The following EIF2AK4 variants were observed in gnomAD, a reference collection of about 807,000 sequenced individuals.
The protein encoded by EIF2AK4 is eukaryotic translation initiation factor 2 alpha kinase 4, also known as eIF-2-alpha kinase GCN2.
In EIF2AK4, 139 loss-of-function variants were observed where a neutral mutation model predicts 211.1. That is an observed-to-expected ratio of 0.66 (90% CI 0.57 to 0.76). The LOEUF is 0.76. Ranked by LOEUF, EIF2AK4 falls within the 30% of genes least tolerant of loss-of-function variation. The probability of loss-of-function intolerance (pLI) is 0.00; values close to 1 mark genes in which losing one functional copy is unlikely to be tolerated. For synonymous variants in EIF2AK4, 710 were observed against 751.3 expected (o/e 0.94, Z 0.90); for missense variants, 1,664 against 2,043.8 (o/e 0.81, Z 3.58).
At chr15:40,029,561 T>C in intron 34 of EIF2AK4, 97 bp downstream of exon 34, 1 of 1,279,814 alleles carries the variant, frequency 7.8e-7, no homozygotes, top group Non-Finnish European at 1.1e-6. Flanking sequence ...TGGAAATCTA[T>C]TTTTAAAATA....
chr15:40,030,974 T>C (rs1025806935), intron 35 of EIF2AK4, among the ~76,000 whole-genome samples: 55 of 152,210 alleles, frequency 3.6e-4, no homozygotes, highest in Non-Finnish European at 5.6e-4. Flanking sequence ...GTGCGGTGGC[T>C]TATGCCTGTA....
chr15:39,940,106 T>C (rs1200304254), intron 2 of EIF2AK4, among the ~76,000 whole-genome samples: 4 of 152,234 alleles, frequency 2.6e-5, no homozygotes, highest in African/African-American at 9.7e-5. Context: ...TGCAGGGCTG[T>C]GCTGTGCACT....
At chr15:39,946,521 A>T (rs914225075) in intron 3 of EIF2AK4, 1 of 701,840 alleles carries the variant, frequency 1.4e-6, no homozygotes, top group Non-Finnish European at 2.6e-6. Context: ...GTTCCTGAAG[A>T]TGCTGTGAAC....
chr15:39,938,087 G>A (rs913422612), intron 1 of EIF2AK4, among the ~76,000 whole-genome samples: 32 of 152,258 alleles, frequency 2.1e-4, no homozygotes, highest in African/African-American at 7.5e-4. Context: ...AGAGCACCAC[G>A]TCATCTCTTC....
chr15:39,990,823 G>C (rs2034933548), intron 16 of EIF2AK4, among the ~76,000 whole-genome samples: 1 of 152,094 alleles, frequency 6.6e-6, no homozygotes, highest in Non-Finnish European at 1.5e-5. Flanking sequence ...TTAAATGGTG[G>C]TTGGGAGTCC....
chr15:40,029,381 A>G lies in EIF2AK4; in HGVS notation c.4503-25A>G, dbSNP rs1321911346. The G allele has an allele frequency of 2.5e-6, 4 of 1,610,676 alleles. No individual in the cohort carries two copies. The Middle Eastern group carries it at 5.0e-4, about 199-fold the overall frequency. ...CTTGTGCCTTATTGACTGTTCTTTAATTGTTTTTGTTTGCTTGTTTTTAGA... is the reference window on the plus strand; with the variant it reads ...CTTGTGCCTTATTGACTGTTCTTTAGTTGTTTTTGTTTGCTTGTTTTTAGA... On this transcript the variant is annotated intron_variant, in intron 33 of 38. Coordinates refer to ENST00000263791, the MANE Select transcript of EIF2AK4 (RefSeq NM_001013703.4).
chr15:39,947,155 T>C (rs185314168), intron 3 of EIF2AK4, among the ~76,000 whole-genome samples: 148 of 152,354 alleles, frequency 9.7e-4, no homozygotes, highest in Non-Finnish European at 1.8e-3. Context: ...CAAATCACTC[T>C]TCTTGTTTAT....
chr15:40,032,048 T>C, intron 35 of EIF2AK4, 121 bp from the exon 36 acceptor site: 1 of 872,968 alleles, frequency 1.1e-6, no homozygotes, highest in East Asian at 2.5e-5. Context: ...TTAGACACCA[T>C]TTGGAATCCT....
At chr15:39,973,986 A>G in intron 11 of EIF2AK4, 1 of 377,668 alleles carries the variant, frequency 2.6e-6, no homozygotes, top group Admixed American at 4.3e-5. Flanking sequence ...AACATGAAAC[A>G]CACATGGTTA....
At chr15:40,030,560 T>A in intron 35 of EIF2AK4, 104 bp downstream of exon 35, 1 of 1,300,776 alleles carries the variant, frequency 7.7e-7, no homozygotes, top group Non-Finnish European at 1.0e-6. Flanking sequence ...CTTGGAAATA[T>A]TTTTTCCAAG....
chr15:40,005,316 AT>A (rs2035145437), intron 23 of EIF2AK4, among the ~76,000 whole-genome samples: 1 of 152,088 alleles, frequency 6.6e-6, no homozygotes, highest in African/African-American at 2.4e-5. Flanking sequence ...TAAAAAGTAA[AT>A]TTCAAAGGAA....
intron 25 of EIF2AK4, among the ~76,000 whole-genome samples, chr15:40,008,618 C>T (rs1213576751): frequency 4.6e-5 from 7 of 152,200 alleles, no homozygotes; most frequent in Non-Finnish European, 1.0e-4. Context: ...CCCCACCCCA[C>T]ACACACACCC....
chr15:39,939,083 C>T (rs970009022), intron 1 of EIF2AK4, among the ~76,000 whole-genome samples: 6 of 152,168 alleles, frequency 3.9e-5, no homozygotes, highest in Non-Finnish European at 7.3e-5. Context: ...ACCTTCTCCT[C>T]GCCCACCACT....
chr15:40,024,403 CTTTTTTTTTTTTT>C (rs554877205), intron 32 of EIF2AK4, among the ~76,000 whole-genome samples: 71 of 90,746 alleles, frequency 7.8e-4, no homozygotes, highest in Non-Finnish European at 1.3e-3. Context: ...TTGAGTTTTC[CTTTTTTTTTTTTT>C]TTTTTTTTTT....
intron 13 of EIF2AK4, among the ~76,000 whole-genome samples, chr15:39,983,583 C>T (rs965795363): frequency 1.3e-5 from 2 of 152,212 alleles, no homozygotes; most frequent in Non-Finnish European, 2.9e-5. Flanking sequence ...GCTGGGATCA[C>T]AGGCATGCGC....
At chr15:39,965,621 C>T in intron 7 of EIF2AK4, 65 bp from the exon 8 acceptor site, 1 of 1,577,942 alleles carries the variant, frequency 6.3e-7, no homozygotes. Context: ...ATTACCCCCT[C>T]CCTTCCTTCC....
At chr15:40,024,335 C>A (rs1308021808) in intron 32 of EIF2AK4, among the ~76,000 whole-genome samples, 2 of 151,690 alleles carry the variant, frequency 1.3e-5, no homozygotes, top group African/African-American at 4.8e-5. Context: ...TGCCACTGCA[C>A]CTGGCTAACT....
At chr15:39,992,988 G>A in intron 18 of EIF2AK4, 140 bp downstream of exon 18, 4 of 754,182 alleles carry the variant, frequency 5.3e-6, no homozygotes, top group Non-Finnish European at 8.9e-6. Context: ...TGGTCCTAAG[G>A]ATAGTGACTG....
At chr15:39,937,804 C>T (rs1316932327) in intron 1 of EIF2AK4, among the ~76,000 whole-genome samples, 2 of 152,146 alleles carry the variant, frequency 1.3e-5, no homozygotes, top group Non-Finnish European at 2.9e-5. Context: ...AGCTAGGCAG[C>T]TAGACAAATA....
Sources: allele counts gnomAD v4.1 joint callset (sites outside exome capture counted in the v4.1 genomes callset), GRCh38; gene constraint gnomAD v4.1.1; transcripts MANE v1.5; gene names NCBI Gene and HGNC (gene_info 2026-07-23, HGNC 2026-07-21).